Variants in RHOA observed in about 807,000 individuals in gnomAD.
The protein encoded by RHOA is ras homolog family member A.
A neutral mutation model predicts 17.5 loss-of-function variants in RHOA; 3 were observed. The ratio of observed to expected loss-of-function variants is 0.17; its 90% CI spans 0.08 to 0.44. The LOEUF is 0.44. RHOA is among the 20% of genes least tolerant of loss of function. RHOA has a pLI of 0.99. For synonymous variants in RHOA, 98 were observed against 88.4 expected, an observed-to-expected ratio of 1.11 and a Z score of -0.61; for missense variants, 56 against 242.3, an observed-to-expected ratio of 0.23 and a Z score of 5.10.
intron 1 of RHOA, among the ~76,000 whole-genome samples, chr3:49,387,074 G>A (rs1266922940): frequency 7.8e-6 from 1 of 128,962 alleles, no homozygotes; most frequent in Admixed American, 8.9e-5. Context: ...CCGAGATCAC[G>A]CCATTCCACT....
At chr3:49,406,236 CAA>C (rs925767164) in intron 1 of RHOA, among the ~76,000 whole-genome samples, 11 of 151,866 alleles carry the variant, frequency 7.2e-5, no homozygotes, top group Non-Finnish European at 1.2e-4. Flanking sequence ...ATATCCCAAA[CAA>C]AGTTACAAAA....
chr3:49,394,883 G>C (rs530828454), intron 1 of RHOA, among the ~76,000 whole-genome samples: 1 of 152,076 alleles, frequency 6.6e-6, no homozygotes, highest in Non-Finnish European at 1.5e-5. Context: ...TGGAAAGAGC[G>C]GTAACGATGG....
At chr3:49,409,660 A>T (rs918884479) in intron 1 of RHOA, among the ~76,000 whole-genome samples, 1 of 152,292 alleles carries the variant, frequency 6.6e-6, no homozygotes, top group South Asian at 2.1e-4. Context: ...CACCCCATGG[A>T]CAAGAAACAC....
intron 1 of RHOA, among the ~76,000 whole-genome samples, chr3:49,389,679 C>T (rs2048462533): frequency 6.6e-6 from 1 of 151,884 alleles, no homozygotes; most frequent in South Asian, 2.1e-4. Flanking sequence ...CGGTGGCTTA[C>T]GCCTGTAATC....
At chr3:49,395,305 G>GGGGCGAT (rs1360472123) in intron 1 of RHOA, among the ~76,000 whole-genome samples, 1 of 151,996 alleles carries the variant, frequency 6.6e-6, no homozygotes, top group Non-Finnish European at 1.5e-5. Context: ...GTGGAAAGAT[G>GGGGCGAT]GGGCGATGGT....
rs555912439 is a variant in RHOA at position 49,390,816 on chromosome 3, C to T, written c.-2-15225G>A. ...AAGAGTACGGGGCCAGGTGTGGTGG[C>T]TCTCCCCTATAATCTCAGCATTCTG... On this transcript the variant is annotated intron_variant, in intron 1 of 4. Transcript: ENST00000418115. Among the ~76,000 whole-genome samples the T allele has an allele frequency of 4.6e-5, 7 of 151,962 alleles. No homozygotes were observed. In the East Asian group the frequency reaches 1.4e-3, roughly 30 times the overall value.
intron 1 of RHOA, among the ~76,000 whole-genome samples, chr3:49,405,553 A>C (rs2048819134): frequency 6.6e-6 from 1 of 152,200 alleles, no homozygotes; most frequent in Non-Finnish European, 1.5e-5. Flanking sequence ...CAGAAGAAAA[A>C]AACTGAATTA....
intron 1 of RHOA, among the ~76,000 whole-genome samples, chr3:49,398,148 G>A (rs1421715106): frequency 3.3e-5 from 5 of 151,712 alleles, no homozygotes; most frequent in African/African-American, 9.7e-5. Flanking sequence ...ATCACTTGAG[G>A]TCAGGAGTTT....
At chr3:49,394,856 AAGG>A (rs1458391700) in intron 1 of RHOA, among the ~76,000 whole-genome samples, 1 of 152,174 alleles carries the variant, frequency 6.6e-6, no homozygotes, top group Non-Finnish European at 1.5e-5. Context: ...GACCTTGAAG[AAGG>A]AGGACAAGTC....
chr3:49,395,026 G>A (rs989933026), intron 1 of RHOA, among the ~76,000 whole-genome samples: 2 of 151,746 alleles, frequency 1.3e-5, no homozygotes, highest in African/African-American at 2.4e-5. Context: ...GAGGCGGGCA[G>A]ATCACGAGGT....
intron 1 of RHOA, among the ~76,000 whole-genome samples, chr3:49,386,583 G>A (rs888096935): frequency 6.6e-6 from 1 of 152,132 alleles, no homozygotes; most frequent in Non-Finnish European, 1.5e-5. Flanking sequence ...ACATTCCACT[G>A]TCTTACCCTC....
chr3:49,365,136 A>T (rs1188081390), intron 3 of RHOA: 1 of 151,174 alleles, frequency 6.6e-6, no homozygotes, highest in Non-Finnish European at 1.5e-5. Flanking sequence ...CCTCATCTAG[A>T]ACAGAAGTTT....
intron 1 of RHOA, among the ~76,000 whole-genome samples, chr3:49,376,516 A>G (rs1198214902): frequency 1.3e-5 from 2 of 151,468 alleles, no homozygotes; most frequent in African/African-American, 2.4e-5. Context: ...GGTGGCAGGC[A>G]CCTGTAGTCC....
chr3:49,381,481 A>G (rs2048316120), intron 1 of RHOA, among the ~76,000 whole-genome samples: 1 of 151,574 alleles, frequency 6.6e-6, no homozygotes, highest in African/African-American at 2.4e-5. Context: ...ATGCTGAGGC[A>G]TGAGAATCAC....
intron 3 of RHOA, chr3:49,365,181 C>T (rs188125258): frequency 5.1e-4 from 75 of 147,996 alleles, no homozygotes; most frequent in African/African-American, 1.6e-3. Context: ...CTTGCTCTGT[C>T]GCCCAGGCTG....
At chr3:49,407,000 G>A (rs1206780826) in intron 1 of RHOA, among the ~76,000 whole-genome samples, 2 of 151,556 alleles carry the variant, frequency 1.3e-5, no homozygotes, top group African/African-American at 2.4e-5. Flanking sequence ...AAAATTAGTC[G>A]GGCATGGTCA....
At chr3:49,390,948 G>A (rs1307376332) in intron 1 of RHOA, among the ~76,000 whole-genome samples, 1 of 152,066 alleles carries the variant, frequency 6.6e-6, no homozygotes, top group African/African-American at 2.4e-5. Flanking sequence ...GCTGGATGCA[G>A]TGGCTCATGC....
chr3:49,377,275 G>A (rs1417369417), intron 1 of RHOA, among the ~76,000 whole-genome samples: 2 of 151,398 alleles, frequency 1.3e-5, no homozygotes, highest in Middle Eastern at 3.5e-3. Context: ...AAGGAAGGAC[G>A]GACGGAAGCA....
intron 1 of RHOA, among the ~76,000 whole-genome samples, chr3:49,385,825 A>G (rs2048387484): frequency 1.3e-5 from 2 of 152,090 alleles, no homozygotes; most frequent in South Asian, 4.1e-4. Context: ...CCTCAGCATT[A>G]TTTACTGAAA....
Sources: gnomAD v4.1 joint callset for allele counts (sites outside exome capture counted in the v4.1 genomes callset) on GRCh38, gnomAD v4.1.1 for gene constraint, MANE v1.5 for transcripts, NCBI Gene and HGNC (gene_info 2026-07-23, HGNC 2026-07-21) for gene names.